The following ZZEF1 variants were observed in gnomAD, a reference collection of about 807,000 sequenced individuals.
The protein encoded by ZZEF1 is zinc finger ZZ-type and EF-hand domain-containing protein 1.
Under a neutral mutation model 342.8 loss-of-function variants are expected in ZZEF1, and 157 were observed. That is an observed-to-expected ratio of 0.46 (90% CI 0.40 to 0.52). The LOEUF (loss-of-function observed/expected upper bound fraction) is 0.52. Among genes scored for constraint, ZZEF1 ranks in the 20% least tolerant of loss-of-function variants. The pLI is 0.00. For synonymous variants in ZZEF1, 1,505 were observed against 1,429.1 expected, an observed-to-expected ratio of 1.05 and a Z score of -1.20; for missense variants, 3,480 against 3,725.6, an observed-to-expected ratio of 0.93 and a Z score of 1.72.
chr17:4,134,329 A>AATATATATATATTTATATATATTT (rs1181852645), intron 1 of ZZEF1, among the ~76,000 whole-genome samples: 119 of 144,584 alleles, frequency 8.2e-4, no homozygotes, highest in Non-Finnish European at 1.3e-3. Flanking sequence ...AAAAAGAAAA[A>AATATATATATATTTATATATATTT]ATATATATAT....
intron 16 of ZZEF1, among the ~76,000 whole-genome samples, chr17:4,085,411 G>A (rs1385959539): frequency 6.6e-6 from 1 of 152,042 alleles, no homozygotes; most frequent in East Asian, 1.9e-4. Flanking sequence ...GATGGTTGTA[G>A]GCAAGTCACA....
At chr17:4,080,386 C>G (rs1043593423) in intron 18 of ZZEF1, among the ~76,000 whole-genome samples, 1 of 152,024 alleles carries the variant, frequency 6.6e-6, no homozygotes, top group Admixed American at 6.6e-5. Flanking sequence ...GTTGCCCAGG[C>G]TGGAGTGCTA....
Position 4,076,980 on chromosome 17 carries a change from T to G in ZZEF1, c.2999A>C (p.Gln1000Pro). ...AVDLIEKYVG[Q>P]FLASMRAILE... is the part of the protein sequence containing the mutation. ...AATCGCTCTCATGCTTGCCAGAAAC[T>G]GGCCCACATCTACCGAAACAAAGAA... The change falls in exon 20 of 55, where the codon CAG (glutamine) becomes CCG (proline). Residue 1000 changes from glutamine (Q) to proline (P), a missense_variant. By Grantham distance (76) the Gln-to-Pro change is moderately conservative (BLOSUM62 -1). This residue lies in a region of ZZEF1 where 1,528 missense variants were observed against 1,624.1 expected (regional missense o/e 0.94). Coordinates refer to ENST00000381638, the MANE Select transcript of ZZEF1 (RefSeq NM_015113.4). 3 of 1,613,008 alleles carry G rather than the reference T, an allele frequency of 1.9e-6. No homozygotes were observed. The highest frequency in any genetic ancestry group is 2.5e-6 in the Non-Finnish European group (3 of 1,179,630).
At chr17:4,132,429 C>G (rs2058674784) in intron 1 of ZZEF1, among the ~76,000 whole-genome samples, 1 of 149,450 alleles carries the variant, frequency 6.7e-6, no homozygotes, top group South Asian at 2.1e-4. Context: ...AGTGATCCAC[C>G]TGCCTCCGCC....
chr17:4,071,683 C>T (rs1428993698), intron 25 of ZZEF1, among the ~76,000 whole-genome samples: 1 of 152,140 alleles, frequency 6.6e-6, no homozygotes, highest in African/African-American at 2.4e-5. Context: ...TGCTAGGGAG[C>T]AGTGGCTTCA....
chr17:4,012,407 T>C (rs79553324), intron 52 of ZZEF1, among the ~76,000 whole-genome samples: 2,290 of 152,286 alleles, frequency 0.015, 45 homozygotes, highest in African/African-American at 0.046. Context: ...CCATATTCCA[T>C]GAGAAGACAA....
At chr17:4,075,783 T>C (rs2057600525) in intron 21 of ZZEF1, among the ~76,000 whole-genome samples, 1 of 149,960 alleles carries the variant, frequency 6.7e-6, no homozygotes, top group Admixed American at 6.7e-5. Context: ...CACTGGCAAA[T>C]CTGGATCTAC....
chr17:4,093,292 A>C (rs1293275711), intron 11 of ZZEF1, among the ~76,000 whole-genome samples: 2 of 152,228 alleles, frequency 1.3e-5, no homozygotes, highest in Non-Finnish European at 2.9e-5. Flanking sequence ...TTAAAAAGGC[A>C]TACACGTGTA....
At chr17:4,058,572 G>A (rs901775596) in intron 31 of ZZEF1, among the ~76,000 whole-genome samples, 3 of 152,156 alleles carry the variant, frequency 2.0e-5, no homozygotes, top group African/African-American at 4.8e-5. Context: ...TTTTCAAACT[G>A]TACATAATAC....
intron 28 of ZZEF1, among the ~76,000 whole-genome samples, chr17:4,065,275 T>C (rs2057370493): frequency 6.6e-6 from 1 of 152,066 alleles, no homozygotes; most frequent in Non-Finnish European, 1.5e-5. Flanking sequence ...CACACGCCTA[T>C]AATCTTATCT....
At chr17:4,111,902 C>T (rs766613533) in intron 5 of ZZEF1, among the ~76,000 whole-genome samples, 7 of 145,090 alleles carry the variant, frequency 4.8e-5, no homozygotes, top group Non-Finnish European at 9.1e-5. Context: ...CCAGGCATCG[C>T]GGTGCATGTC....
Position 4,076,897 on chromosome 17 carries a change from A to C in ZZEF1, c.3082T>G (p.Ser1028Ala), listed in dbSNP as rs1324797184. The change falls in exon 20 of 55, where the codon TCA becomes GCA. Residue 1028 changes from serine to alanine, a missense_variant. By Grantham distance (99) the Ser-to-Ala change is moderately conservative (BLOSUM62 1). Transcript: ENST00000381638. ...TGACGAGCTGCCATTGAAAACACTG[A>C]GTTACATAATCTTTCTACTATGGTT... is the stretch of plus-strand genomic sequence containing the variant. Reference protein sequence around the residue: ...GKTIVERLCNSVFSMAARQLV... With the variant: ...GKTIVERLCNAVFSMAARQLV... 6.2e-7 allele frequency: 1 copy of C among 1,614,090 alleles called. No individual in the cohort carries two copies. The highest frequency in any genetic ancestry group is 2.2e-5 in the East Asian group (1 of 44,898).
intron 42 of ZZEF1, among the ~76,000 whole-genome samples, chr17:4,028,532 G>A (rs546500253): frequency 6.9e-6 from 1 of 144,276 alleles, no homozygotes; most frequent in South Asian, 2.2e-4. Flanking sequence ...CTGGGTGATG[G>A]AGTAAGACTC....
In ZZEF1 at chr17:4,123,986, G is replaced by A. The variant is rs561425464; in HGVS notation, c.420C>T (p.Leu140=). 5.0e-6 allele frequency: 8 copies of A among 1,613,892 alleles called. No individual in the cohort carries two copies. In the African/African-American group the frequency reaches 1.1e-4, roughly 22 times the overall value. The change falls in exon 2 of 55, where the codon CTC becomes CTT. Residue 140 remains leucine (L), a synonymous_variant. Transcript: ENST00000381638. ...TVDAENMLEA[L]KNSSGANLQG... ...GAAGATTAGCTCCACTGGAATTCTT[G>A]AGGGCCTCCAACATGTTCTCGGCAT...
intron 26 of ZZEF1, 37 bp from the exon 27 acceptor site, chr17:4,067,279 T>A: frequency 6.4e-7 from 1 of 1,562,322 alleles, no homozygotes; most frequent in Non-Finnish European, 8.8e-7. Context: ...TACATTCAGG[T>A]AACACAATTC....
At position 4,017,539 on chromosome 17, in the gene ZZEF1, G is replaced by T. The variant is rs748043625; in HGVS notation, c.7833C>A (p.Asn2611Lys). Residue 2611 changes from asparagine to lysine, a missense_variant, in exon 48 of 55, where the codon AAC (asparagine) becomes AAA (lysine). Physicochemically the swap from Asn to Lys is moderately conservative, Grantham distance 94. This residue lies in a region of ZZEF1 where 1,269 missense variants were observed against 1,342.4 expected (regional missense o/e 0.95). Transcript: ENST00000381638. This position sits in a 1 kb window ranked among gnomAD's most constrained non-coding sequence, Gnocchi z 5.1. Reference protein sequence around the residue: ...RAVRDYLFRVNEATAVLYARH... With the variant: ...RAVRDYLFRVKEATAVLYARH... Reference sequence around the variant, plus strand: ...GGGCGTACAGGACAGCTGTGGCCTCGTTCACTCGGAAGAGGTAGTCCCGGA... The same window carrying T: ...GGGCGTACAGGACAGCTGTGGCCTCTTTCACTCGGAAGAGGTAGTCCCGGA... The T allele has an allele frequency of 3.1e-6, 5 of 1,614,244 alleles. No homozygotes were observed. Among genetic ancestry groups the T allele is most frequent in the African/African-American group, 1.3e-5 (1 of 75,064 alleles).
At chr17:4,066,927 A>C (rs1476973550) in intron 27 of ZZEF1, among the ~76,000 whole-genome samples, 1 of 152,168 alleles carries the variant, frequency 6.6e-6, no homozygotes, top group Non-Finnish European at 1.5e-5. Flanking sequence ...AACTCTACGG[A>C]GTTCCACGAA....
At chr17:4,131,914 C>G (rs1447969319) in intron 1 of ZZEF1, among the ~76,000 whole-genome samples, 1 of 152,136 alleles carries the variant, frequency 6.6e-6, no homozygotes, top group Admixed American at 6.6e-5. Context: ...AGGGGACGTG[C>G]ATGCATGGGC....
chr17:4,048,568 G>C (rs1431126165), intron 37 of ZZEF1, among the ~76,000 whole-genome samples: 1 of 152,190 alleles, frequency 6.6e-6, no homozygotes, highest in East Asian at 1.9e-4. Flanking sequence ...GTTATACCTG[G>C]ATCCAGAATA....
Sources: gnomAD v4.1 joint callset for allele counts (sites outside exome capture counted in the v4.1 genomes callset) on GRCh38, gnomAD v4.1.1 for gene constraint, gnomAD v4.1.1 regional missense constraint, Gnocchi (gnomAD v3.1) non-coding constraint, MANE v1.5 for transcripts, NCBI Gene and HGNC (gene_info 2026-07-23, HGNC 2026-07-21) for gene names.